Variants in SFI1 observed in about 807,000 individuals in gnomAD.
The protein encoded by SFI1 is protein SFI1 homolog.
SFI1 carries 195 observed loss-of-function variants against 207.5 expected under a neutral mutation model. That is an observed-to-expected ratio of 0.94 (90% CI 0.84 to 1.06). The LOEUF (loss-of-function observed/expected upper bound fraction) is 1.06, where lower values mean the gene tolerates loss of function less well. Ranked by LOEUF, SFI1 falls within the 50% of genes least tolerant of loss-of-function variation. The pLI is 0.00. For missense variants in SFI1, 1,634 were observed against 1,588.0 expected (o/e 1.03, Z -0.49); for synonymous variants, 630 against 598.9 (o/e 1.05, Z -0.76).
chr22:31,553,886 G>T (rs1266220203), intron 6 of SFI1, among the ~76,000 whole-genome samples: 1 of 96,780 alleles, frequency 1.0e-5, no homozygotes, highest in Non-Finnish European at 1.9e-5. Context: ...TCCCACTGTT[G>T]CCCAGGTTGG....
At chr22:31,512,069 C>T (rs1182060174) in intron 2 of SFI1, among the ~76,000 whole-genome samples, 1 of 152,142 alleles carries the variant, frequency 6.6e-6, no homozygotes, top group Non-Finnish European at 1.5e-5. Flanking sequence ...TTGGCCGGCG[C>T]AGTGGCTCAC....
intron 2 of SFI1, among the ~76,000 whole-genome samples, chr22:31,522,681 G>T (rs943288242): frequency 2.6e-5 from 4 of 151,948 alleles, no homozygotes; most frequent in African/African-American, 7.3e-5. Context: ...TTTTGAGATG[G>T]AGTCTCGCTC....
At chr22:31,530,012 T>C (rs1053345761) in intron 3 of SFI1, among the ~76,000 whole-genome samples, 9 of 146,394 alleles carry the variant, frequency 6.1e-5, no homozygotes, top group African/African-American at 2.3e-4. Flanking sequence ...CTACTAAAAA[T>C]ACAAAAAATT....
In SFI1 at chr22:31,508,352, G is replaced by C. The variant is rs1485335383; in HGVS notation, c.68G>C (p.Arg23Thr). ...HNFHQKVIKQ[R>T]MEKKVDSRYF... is the part of the protein sequence containing the mutation. ...TTCCATCAAAAAGTGATTAAGCAGA[G>C]AATGGAGAAGAAGGTTGATTCCAGG... is the stretch of plus-strand genomic sequence containing the variant. The change falls in exon 2 of 33, where the codon AGA becomes ACA. Residue 23 changes from arginine (R) to threonine (T), a missense_variant. Coordinates refer to ENST00000400288, the MANE Select transcript of SFI1 (RefSeq NM_001007467.3). 2 of 1,612,708 alleles carry C rather than the reference G, an allele frequency of 1.2e-6. No homozygotes were observed. The highest frequency in any genetic ancestry group is 4.5e-5 in the East Asian group (2 of 44,770).
intron 14 of SFI1, chr22:31,587,948 G>C (rs1396873925): frequency 6.6e-6 from 1 of 152,152 alleles, no homozygotes; most frequent in Non-Finnish European, 1.5e-5. Context: ...GGGTAGGAGT[G>C]TATGTACCTA....
intron 8 of SFI1, among the ~76,000 whole-genome samples, chr22:31,571,347 C>G (rs1277724445): frequency 3.3e-5 from 5 of 152,144 alleles, no homozygotes; most frequent in African/African-American, 4.8e-5. Context: ...GGGTCTCACT[C>G]TGTTGCCCAG....
At chr22:31,501,676 C>G (rs370313923) in intron 1 of SFI1, among the ~76,000 whole-genome samples, 13 of 152,146 alleles carry the variant, frequency 8.5e-5, no homozygotes, top group African/African-American at 2.7e-4. Context: ...GTAGGTAGTT[C>G]ATGAAAAGTG....
intron 29 of SFI1, 139 bp from the exon 30 acceptor site, chr22:31,616,606 C>G: frequency 1.1e-6 from 1 of 909,256 alleles, no homozygotes; most frequent in East Asian, 2.6e-5. Context: ...CGGCCAGTGC[C>G]TGGGAAGCCC....
intron 31 of SFI1, among the ~76,000 whole-genome samples, chr22:31,617,485 C>T (rs1388500399): frequency 1.3e-5 from 2 of 152,172 alleles, no homozygotes; most frequent in African/African-American, 4.8e-5. Flanking sequence ...CTTTGAGAGG[C>T]TGTGATCCAG....
At position 31,608,107 on chromosome 22, in the gene SFI1, G is replaced by A. The variant is rs904416898; in HGVS notation, c.2254+74G>A. ...GCTGTTGTGGAGATCCCTGTGGCCCGCATAAGTCTGTCTCCTCCTCATACA... is the reference window on the plus strand; with the variant it reads ...GCTGTTGTGGAGATCCCTGTGGCCCACATAAGTCTGTCTCCTCCTCATACA... On this transcript the variant is annotated intron_variant, in intron 22 of 32. Transcript: ENST00000400288. 5.9e-5 allele frequency: 70 copies of A among 1,190,472 alleles called. No homozygotes were observed. In the Middle Eastern group the frequency reaches 9.7e-4, roughly 17 times the overall value. The allele number at this position is 1,190,472 out of a possible 1,614,324, so 73.7% of individuals were successfully genotyped here. A position where few individuals can be genotyped will look rare whatever the true frequency, so the allele number is the denominator to read the frequency against.
intron 1 of SFI1, among the ~76,000 whole-genome samples, chr22:31,501,785 A>G (rs2053817028): frequency 6.6e-6 from 1 of 152,176 alleles, no homozygotes; most frequent in Non-Finnish European, 1.5e-5. Flanking sequence ...ATTTTGTTAA[A>G]ACATAACATT....
rs2058473521 is a variant in SFI1 at position 31,531,068 on chromosome 22, A to G, written c.277A>G (p.Arg93Gly). 6.2e-7 allele frequency: 1 copy of G among 1,612,650 alleles called. No homozygotes were observed. Among genetic ancestry groups the G allele is most frequent in the Non-Finnish European group, 8.5e-7 (1 of 1,179,656 alleles). Residue 93 changes from arginine (R) to glycine (G), a missense_variant, in exon 4 of 33, where the codon AGA (arginine) becomes GGA (glycine). By Grantham distance (125) the Arg-to-Gly change is moderately radical (BLOSUM62 -2). Transcript: ENST00000400288. ...LRELRIRCVA[R>G]KFLYLWIRMT... The stretch of plus-strand genomic sequence containing the variant: ...TTTTCCTTCTTTCAGATGCGTGGCC[A>G]GAAAGTTCTTATATTTATGGATTCG...
intron 15 of SFI1, among the ~76,000 whole-genome samples, chr22:31,592,369 A>C (rs1474185495): frequency 2.9e-4 from 12 of 41,704 alleles, no homozygotes; most frequent in South Asian, 2.0e-3. Context: ...GACCCCCCCC[A>C]CCTCCCTCCC....
chr22:31,586,872 G>A (rs757897882), intron 14 of SFI1, among the ~76,000 whole-genome samples: 5 of 152,096 alleles, frequency 3.3e-5, no homozygotes, highest in African/African-American at 7.2e-5. Flanking sequence ...AAGGTATAGC[G>A]GGTCTGAAAA....
intron 1 of SFI1, among the ~76,000 whole-genome samples, chr22:31,503,749 ATTT>A (rs759980698): frequency 1.5e-5 from 2 of 137,184 alleles, no homozygotes; most frequent in Admixed American, 7.4e-5. Flanking sequence ...CACCATGCCA[ATTT>A]TTTTTTTTTT....
intron 22 of SFI1, among the ~76,000 whole-genome samples, chr22:31,610,935 C>T (rs1227870951): frequency 1.3e-5 from 2 of 152,198 alleles, no homozygotes; most frequent in African/African-American, 2.4e-5. Context: ...AGATCTGGTT[C>T]CAGTCCCCGG....
intron 7 of SFI1, chr22:31,559,961 A>C (rs2061521931): frequency 2.1e-6 from 1 of 477,612 alleles, no homozygotes; most frequent in Non-Finnish European, 3.8e-6. Flanking sequence ...TTGTCTGTTA[A>C]TAAGTAGTTT....
At chr22:31,593,578 A>C (rs1305906658) in intron 15 of SFI1, among the ~76,000 whole-genome samples, 1 of 111,196 alleles carries the variant, frequency 9.0e-6, no homozygotes. Context: ...GACACTCCTC[A>C]CTTCCCAGAC....
intron 4 of SFI1, among the ~76,000 whole-genome samples, chr22:31,541,522 C>T (rs952604458): frequency 6.6e-6 from 1 of 151,668 alleles, no homozygotes; most frequent in Non-Finnish European, 1.5e-5. Flanking sequence ...TTTGGGAGGC[C>T]GTGGAAGTGG....
Sources: gnomAD v4.1 joint callset for allele counts (sites outside exome capture counted in the v4.1 genomes callset) on GRCh38, gnomAD v4.1.1 for gene constraint, MANE v1.5 for transcripts, NCBI Gene and HGNC (gene_info 2026-07-23, HGNC 2026-07-21) for gene names.